MKNK2: variants seen among roughly 807,000 people sequenced by gnomAD.
The protein encoded by MKNK2 is MAPK interacting serine/threonine kinase 2, also known as MAP kinase-interacting serine/threonine-protein kinase 2.
Under a neutral mutation model 55.0 loss-of-function variants are expected in MKNK2, and 54 were observed. The observed-to-expected ratio is 0.98, with a 90% CI of 0.79 to 1.23. The LOEUF is 1.23. MKNK2 is among the 50% of genes most tolerant of loss of function. MKNK2 has a pLI of 0.00. For synonymous variants in MKNK2, 323 were observed against 256.0 expected, an observed-to-expected ratio of 1.26 and a Z score of -2.50; for missense variants, 685 against 632.1, an observed-to-expected ratio of 1.08 and a Z score of -0.90.
intron 2 of MKNK2, among the ~76,000 whole-genome samples, chr19:2,047,291 A>AGCACCCT (rs1373099913): frequency 6.6e-6 from 1 of 152,130 alleles, no homozygotes; most frequent in African/African-American, 2.4e-5. Flanking sequence ...GGTGCTGCTC[A>AGCACCCT]GCACCCTGCA....
intron 10 of MKNK2, 162 bp from the exon 11 acceptor site, chr19:2,042,196 T>C (rs1275171954): frequency 5.3e-6 from 4 of 754,706 alleles, no homozygotes; most frequent in South Asian, 2.0e-5. Flanking sequence ...AATCAGCAGG[T>C]GCAGAGCTCG....
intron 2 of MKNK2, among the ~76,000 whole-genome samples, chr19:2,047,002 G>A (rs572524339): frequency 1.2e-4 from 18 of 152,276 alleles, no homozygotes; most frequent in African/African-American, 3.6e-4. Flanking sequence ...GTCTTGCTAC[G>A]TTGCCCAGGC....
chr19:2,040,083 G>A lies in MKNK2; in HGVS notation c.1154+51C>T, dbSNP rs542522524. 8 of 1,545,442 alleles carry A rather than the reference G, an allele frequency of 5.2e-6. No individual in the cohort carries two copies. The African/African-American group carries it at 5.4e-5, about 10-fold the overall frequency. On this transcript the variant is annotated intron_variant, in intron 13 of 13. Transcript: ENST00000250896. ...GGTCTTTCACAAATGTCTTAACCTGGAAACCCCGCCCCCTGGACTCAGGGG... is the reference window on the plus strand; with the variant it reads ...GGTCTTTCACAAATGTCTTAACCTGAAAACCCCGCCCCCTGGACTCAGGGG...
rs969704115 is a variant in MKNK2 at position 2,038,591 on chromosome 19, G to A, written c.*1022C>T. On this transcript the variant is annotated 3_prime_UTR_variant, in exon 14 of 14. Transcript: ENST00000250896. ...AACACTGCCCTGGGGGTGAGGATTC[G>A]GCCAGACCCCGGGGTCTGGGCTCAG... 19 of 985,186 alleles carry A rather than the reference G, an allele frequency of 1.9e-5. No homozygotes were observed. The highest frequency in any genetic ancestry group is 2.2e-5 in the Non-Finnish European group (18 of 829,858). The allele number at this position is 985,186 out of a possible 1,614,324, so 61.0% of individuals were successfully genotyped here. A position where few individuals can be genotyped will look rare whatever the true frequency, so the allele number is the denominator to read the frequency against.
In MKNK2 at chr19:2,039,876, T is replaced by C. The variant is rs2016838315; in HGVS notation, c.1155-20A>G. 2 of 1,580,776 alleles carry C rather than the reference T, an allele frequency of 1.3e-6. No homozygotes were observed. Among genetic ancestry groups the C allele is most frequent in the Middle Eastern group, 1.7e-4 (1 of 5,946 alleles). ...CTGTTCCTGGGAAACGGGGTGGGGG[T>C]AGGTGGTCACCAAGAGGCACCCCTC... On this transcript the variant is annotated intron_variant, in intron 13 of 13. Coordinates refer to ENST00000250896, the MANE Select transcript of MKNK2 (RefSeq NM_199054.3).
At position 2,038,031 on chromosome 19, in the gene MKNK2, A is replaced by ACCC; in HGVS notation, c.*1579_*1581dup. 3 of 1,285,336 alleles carry ACCC rather than the reference A, an allele frequency of 2.3e-6. No individual in the cohort carries two copies. The highest frequency in any genetic ancestry group is 2.0e-5 in the South Asian group (1 of 49,410). 79.6% of individuals were successfully genotyped at this position (1,285,336 alleles called of 1,614,324 possible). A position where few individuals can be genotyped will look rare whatever the true frequency, so the allele number is the denominator to read the frequency against. ...GGGAAAGGGGTGGGCGGAATGCCCC[A>ACCC]CCCCCCCCAGGGGTCTTTGGAAGGG... On this transcript the variant is annotated 3_prime_UTR_variant, in exon 14 of 14. Transcript: ENST00000250896.
intron 10 of MKNK2, 74 bp from the exon 11 acceptor site, chr19:2,042,108 G>A: frequency 2.2e-6 from 3 of 1,345,246 alleles, no homozygotes; most frequent in South Asian, 1.6e-5. Context: ...GTAACTGCGG[G>A]TCACCTGCGC....
Position 2,046,476 on chromosome 19 carries a change from A to G in MKNK2, c.140-8T>C. ...GCTGGCTGGCGGGCATGTCTGTTCCAGGAGGCACGCCCAGGGGGCTCAGGA... is the reference window on the plus strand; with the variant it reads ...GCTGGCTGGCGGGCATGTCTGTTCCGGGAGGCACGCCCAGGGGGCTCAGGA... On this transcript the variant is annotated splice_region_variant and splice_polypyrimidine_tract_variant and intron_variant, in intron 3 of 13. Transcript: ENST00000250896. The G allele has an allele frequency of 6.2e-7, 1 of 1,605,978 alleles. No homozygotes were observed. Among genetic ancestry groups the G allele is most frequent in the Non-Finnish European group, 8.5e-7 (1 of 1,178,362 alleles).
In MKNK2 at chr19:2,043,533, A is replaced by G; in HGVS notation, c.389T>C (p.Val130Ala). Residue 130 changes from valine to alanine, a missense_variant, in exon 6 of 14, where the codon GTG (valine) becomes GCG (alanine). Transcript: ENST00000250896. Reference sequence around the variant, plus strand: ...TCCCTGGCACTGGTACAGCATCTCCACCTCCCTGAAAACCCTGCTCCGAAT... The same window carrying G: ...TCCCTGGCACTGGTACAGCATCTCCGCCTCCCTGAAAACCCTGCTCCGAAT... ...GHIRSRVFRE[V>A]EMLYQCQGHR... The G allele has an allele frequency of 6.2e-7, 1 of 1,613,412 alleles. No homozygotes were observed. Among genetic ancestry groups the G allele is most frequent in the Non-Finnish European group, 8.5e-7 (1 of 1,179,812 alleles).
Position 2,046,361 on chromosome 19 carries a change from G to A in MKNK2, c.241+6C>T, listed in dbSNP as rs56231774. 14 of 1,606,636 alleles carry A rather than the reference G, an allele frequency of 8.7e-6. No individual in the cohort carries two copies. The highest frequency in any genetic ancestry group is 4.5e-5 in the East Asian group (2 of 44,888). ...GGCTCCCCCAATGCCCGCCATCCCC[G>A]CTCACCTTCAAACCTGCCCGAGAAG... On this transcript the variant is annotated splice_donor_region_variant and intron_variant, in intron 4 of 13. Transcript: ENST00000250896.
chr19:2,045,606 A>G (rs1048717737), intron 5 of MKNK2, among the ~76,000 whole-genome samples: 2 of 152,004 alleles, frequency 1.3e-5, no homozygotes, highest in African/African-American at 4.8e-5. Flanking sequence ...TCGCCAGGGC[A>G]CACCTGGCCC....
rs1395096732 is a variant in MKNK2 at position 2,051,194 on chromosome 19, C to G, written c.-195G>C. On this transcript the variant is annotated 5_prime_UTR_variant, in exon 1 of 14. Transcript: ENST00000250896. Reference sequence around the variant, plus strand: ...ACCGCGCGGGGAACAGCGCCGCCGCCGCCGCCAGCGCGGACCCCTCTACCT... The same window carrying G: ...ACCGCGCGGGGAACAGCGCCGCCGCGGCCGCCAGCGCGGACCCCTCTACCT... 2 of 154,716 alleles carry G rather than the reference C, an allele frequency of 1.3e-5. No homozygotes were observed. Among genetic ancestry groups the G allele is most frequent in the Non-Finnish European group, 2.9e-5 (2 of 69,820 alleles). 9.6% of individuals were successfully genotyped at this position (154,716 alleles called of 1,614,324 possible). A position where few individuals can be genotyped will look rare whatever the true frequency, so the allele number is the denominator to read the frequency against.
rs543214424 is a variant in MKNK2 at position 2,040,942 on chromosome 19, G to C, written c.1110+98C>G. 5 of 1,188,148 alleles carry C rather than the reference G, an allele frequency of 4.2e-6. No individual in the cohort carries two copies. The South Asian group carries it at 5.2e-5, about 12-fold the overall frequency. 73.6% of individuals were successfully genotyped at this position (1,188,148 alleles called of 1,614,324 possible). ...GCTCTCAAGCCTCAGTGCATCTCAG[G>C]GTGTCCAGGCTACACCCTCAGGGCT... On this transcript the variant is annotated intron_variant, in intron 12 of 13. Transcript: ENST00000250896.
intron 13 of MKNK2, 54 bp downstream of exon 13, chr19:2,040,080 C>A: frequency 2.6e-6 from 4 of 1,542,372 alleles, no homozygotes; most frequent in Non-Finnish European, 3.5e-6. Context: ...ATGTCTTAAC[C>A]TGGAAACCCC....
chr19:2,039,272 C>T lies in MKNK2; in HGVS notation c.*341G>A, dbSNP rs1245017101. On this transcript the variant is annotated 3_prime_UTR_variant, in exon 14 of 14. Transcript: ENST00000250896. The stretch of plus-strand genomic sequence containing the variant: ...CACTGCAAGCCACGTGGGCAGATGG[C>T]GGGCAGCACAGGTGACCTGGGGGCA... 1.1e-5 allele frequency: 13 copies of T among 1,152,062 alleles called. No individual in the cohort carries two copies. Among genetic ancestry groups the T allele is most frequent in the Non-Finnish European group, 1.4e-5 (13 of 931,960 alleles). The allele number at this position is 1,152,062 out of a possible 1,614,324, so 71.4% of individuals were successfully genotyped here.
intron 5 of MKNK2, 52 bp from the exon 6 acceptor site, chr19:2,043,634 G>A (rs764244365): frequency 2.9e-5 from 44 of 1,527,660 alleles, no homozygotes; most frequent in South Asian, 2.6e-4. Context: ...GCTCATAGTC[G>A]AGAAGGGGCC....
At position 2,038,345 on chromosome 19, in the gene MKNK2, G is replaced by C. The variant is rs1468931398; in HGVS notation, c.*1268C>G. ...GCTGCCCCAGCTGTGGAGCTCGGGG[G>C]CTGCGCCGGGAAGGGCGGGCGGTGA... On this transcript the variant is annotated 3_prime_UTR_variant, in exon 14 of 14. Transcript: ENST00000250896. 1 of 986,490 alleles carries C rather than the reference G, an allele frequency of 1.0e-6. No individual in the cohort carries two copies. Among genetic ancestry groups the C allele is most frequent in the African/African-American group, 1.7e-5 (1 of 57,146 alleles). The allele number at this position is 986,490 out of a possible 1,614,324, so 61.1% of individuals were successfully genotyped here.
rs906648197 is a variant in MKNK2, at chr19:2,037,537, T to C, written c.*2076A>G. ...ACAAAATTCCGGCATTGACAGTTGG[T>C]GTAAAGGAAAACTTCTGAGCTCCGT... On this transcript the variant is annotated 3_prime_UTR_variant, in exon 14 of 14. Transcript: ENST00000250896. 1.5e-5 allele frequency: 6 copies of C among 407,172 alleles called. No homozygotes were observed. The highest frequency in any genetic ancestry group is 1.8e-5 in the Non-Finnish European group (4 of 227,844). 25.2% of individuals were successfully genotyped at this position (407,172 alleles called of 1,614,324 possible).
rs1454093107 is a variant in MKNK2, at chr19:2,042,836, G to C, written c.528C>G (p.His176Gln). ...CCACGCTGGCCTCCAGCTCGTTGAA[G>C]TGCCGGCGCTTGTGGATGTGGCTCA... ...SILSHIHKRR[H>Q]FNELEASVVV... Residue 176 changes from histidine to glutamine, a missense_variant, in exon 8 of 14, where the codon CAC becomes CAG. Physicochemically the swap from His to Gln is conservative, Grantham distance 24. Transcript: ENST00000250896. 6.3e-7 allele frequency: 1 copy of C among 1,574,914 alleles called. No homozygotes were observed. The highest frequency in any genetic ancestry group is 8.6e-7 in the Non-Finnish European group (1 of 1,160,120).
Sources: allele counts gnomAD v4.1 joint callset (sites outside exome capture counted in the v4.1 genomes callset), GRCh38; gene constraint gnomAD v4.1.1; transcripts MANE v1.5; gene names NCBI Gene and HGNC (gene_info 2026-07-23, HGNC 2026-07-21).